The following SCFD2 variants were observed in gnomAD, a reference collection of about 807,000 sequenced individuals.
SCFD2 encodes the protein sec1 family domain-containing protein 2.
SCFD2 carries 54 observed loss-of-function variants against 58.9 expected under a neutral mutation model. The observed-to-expected ratio is 0.92, with a 90% CI of 0.74 to 1.15. The LOEUF (loss-of-function observed/expected upper bound fraction) is 1.15, where lower values mean the gene tolerates loss of function less well. SCFD2 is among the 50% of genes most tolerant of loss of function. SCFD2 has a pLI of 0.00. For missense variants in SCFD2, 805 were observed against 836.6 expected, an observed-to-expected ratio of 0.96 and a Z score of 0.47; for synonymous variants, 321 against 335.9, an observed-to-expected ratio of 0.96 and a Z score of 0.49.
intron 5 of SCFD2, among the ~76,000 whole-genome samples, chr4:53,027,059 C>A (rs1328917092): frequency 6.6e-6 from 1 of 152,172 alleles, no homozygotes; most frequent in Non-Finnish European, 1.5e-5. Context: ...TCCTAATTGA[C>A]CACATTATCA....
intron 4 of SCFD2, among the ~76,000 whole-genome samples, chr4:53,181,184 C>G (rs964225536): frequency 9.9e-5 from 15 of 152,124 alleles, no homozygotes; most frequent in African/African-American, 2.9e-4. Context: ...GATACCAAAG[C>G]CTGGCAGAGA....
chr4:53,097,193 T>C (rs1724678439), intron 5 of SCFD2, among the ~76,000 whole-genome samples: 1 of 152,194 alleles, frequency 6.6e-6, no homozygotes, highest in Non-Finnish European at 1.5e-5. Context: ...GTCTTGGCAA[T>C]GGGGGCTCTC....
intron 4 of SCFD2, among the ~76,000 whole-genome samples, chr4:53,182,431 G>T (rs1727599437): frequency 1.3e-5 from 2 of 152,170 alleles, no homozygotes; most frequent in African/African-American, 2.4e-5. Context: ...AAATGGTGCT[G>T]GGAAAACTGG....
intron 4 of SCFD2, among the ~76,000 whole-genome samples, chr4:53,191,113 TGAG>T: frequency 6.6e-6 from 1 of 152,042 alleles, no homozygotes; most frequent in Middle Eastern, 3.4e-3. Flanking sequence ...TTTGGGAGGC[TGAG>T]GAGGGCAGGT....
At chr4:52,904,157 G>A (rs371834577) in intron 7 of SCFD2, among the ~76,000 whole-genome samples, 45 of 152,282 alleles carry the variant, frequency 3.0e-4, no homozygotes, top group African/African-American at 1.1e-3. Flanking sequence ...GGGTGTCCCT[G>A]AGCCAACATC....
intron 4 of SCFD2, among the ~76,000 whole-genome samples, chr4:53,205,020 C>A (rs892920036): frequency 2.6e-5 from 4 of 151,866 alleles, no homozygotes; most frequent in African/African-American, 9.7e-5. Context: ...AAGGATATAT[C>A]CCTTTGTCCT....
At chr4:53,273,144 G>T (rs975455127) in intron 4 of SCFD2, among the ~76,000 whole-genome samples, 2 of 152,174 alleles carry the variant, frequency 1.3e-5, no homozygotes, top group African/African-American at 4.8e-5. Context: ...TGAAAATAAT[G>T]ATAAATCATA....
intron 7 of SCFD2, among the ~76,000 whole-genome samples, chr4:52,896,749 G>T (rs1719025645): frequency 6.6e-6 from 1 of 152,122 alleles, no homozygotes; most frequent in Admixed American, 6.5e-5. Context: ...AATTACCTTG[G>T]GCAGCATGGC....
intron 5 of SCFD2, among the ~76,000 whole-genome samples, chr4:52,943,276 T>A (rs1378118149): frequency 6.6e-6 from 1 of 151,454 alleles, no homozygotes; most frequent in African/African-American, 2.4e-5. Context: ...AAAAACCCTG[T>A]TAAAGATAGG....
At chr4:53,295,241 A>G (rs1731986350) in intron 3 of SCFD2, among the ~76,000 whole-genome samples, 1 of 152,054 alleles carries the variant, frequency 6.6e-6, no homozygotes, top group Non-Finnish European at 1.5e-5. Context: ...CAGTATGATC[A>G]TTTTCACAAT....
chr4:53,038,949 C>T (rs562700856), intron 5 of SCFD2, among the ~76,000 whole-genome samples: 19 of 152,172 alleles, frequency 1.2e-4, no homozygotes, highest in African/African-American at 4.3e-4. Context: ...CTCAGTCTCT[C>T]GAAGTGTTAG....
intron 3 of SCFD2, among the ~76,000 whole-genome samples, chr4:53,296,681 CT>C (rs1222251699): frequency 2.0e-5 from 3 of 152,018 alleles, no homozygotes; most frequent in East Asian, 3.9e-4. Context: ...TTCTGCTAGC[CT>C]TTGAATTTCT....
intron 5 of SCFD2, among the ~76,000 whole-genome samples, chr4:53,099,969 G>T (rs1277811592): frequency 1.3e-5 from 2 of 152,060 alleles, no homozygotes; most frequent in Non-Finnish European, 2.9e-5. Flanking sequence ...TAGTTCAGTG[G>T]ACAAGGAAAA....
chr4:52,879,357 A>T (rs1718552300), intron 8 of SCFD2, among the ~76,000 whole-genome samples: 1 of 152,254 alleles, frequency 6.6e-6, no homozygotes, highest in African/African-American at 2.4e-5. Flanking sequence ...TTTAATGAAA[A>T]CAAAAAATTG....
chr4:53,002,567 A>G lies in SCFD2; in HGVS notation c.1562-81697T>C, dbSNP rs144398180. On this transcript the variant is annotated intron_variant, in intron 5 of 8. Coordinates refer to ENST00000401642, the MANE Select transcript of SCFD2 (RefSeq NM_152540.4). ...TTTATTCAGCATTGGTTTCAACTCAACTAACATTTCTTGAGCCCCTCCTAT... is the reference window on the plus strand; with the variant it reads ...TTTATTCAGCATTGGTTTCAACTCAGCTAACATTTCTTGAGCCCCTCCTAT... 1.2e-3 allele frequency among the ~76,000 whole-genome samples: 189 copies of G among 152,302 alleles called. 1 individual carries two copies. Among genetic ancestry groups the G allele is most frequent in the African/African-American group, 4.4e-3 (183 of 41,544 alleles).
chr4:52,965,652 C>T (rs1051197019), intron 5 of SCFD2, among the ~76,000 whole-genome samples: 8 of 152,220 alleles, frequency 5.3e-5, no homozygotes, highest in African/African-American at 1.9e-4. Flanking sequence ...CATGCCTCCT[C>T]TAGCACCTCC....
At chr4:53,249,536 T>C (rs542329252) in intron 4 of SCFD2, among the ~76,000 whole-genome samples, 8 of 151,912 alleles carry the variant, frequency 5.3e-5, no homozygotes, top group African/African-American at 1.7e-4. Flanking sequence ...AAGGAAAAAA[T>C]GTTAAGGGCA....
rs555740806 is a variant in SCFD2 at position 53,332,919 on chromosome 4, T to G, written c.1008-19156A>C. 2.9e-3 allele frequency among the ~76,000 whole-genome samples: 438 copies of G among 151,550 alleles called. 2 individuals carry two copies. Among genetic ancestry groups the G allele is most frequent in the Non-Finnish European group, 3.7e-3 (248 of 67,866 alleles). On this transcript the variant is annotated intron_variant, in intron 2 of 8. Transcript: ENST00000401642. ...GCAAAGTCTCGGGATACAAAATCAA[T>G]GTACAAAAATCACAAGCATTCTTAT...
intron 4 of SCFD2, among the ~76,000 whole-genome samples, chr4:53,256,434 G>A (rs979631549): frequency 5.5e-4 from 84 of 151,798 alleles, no homozygotes; most frequent in African/African-American, 1.8e-3. Context: ...CATCCCAGAC[G>A]ATGGGCGACC....
Sources: gnomAD v4.1 joint callset for allele counts (sites outside exome capture counted in the v4.1 genomes callset) on GRCh38, gnomAD v4.1.1 for gene constraint, MANE v1.5 for transcripts, NCBI Gene and HGNC (gene_info 2026-07-23, HGNC 2026-07-21) for gene names.